BCKDHB: variants seen among roughly 807,000 people sequenced by gnomAD.
BCKDHB encodes branched chain keto acid dehydrogenase E1 subunit beta.
BCKDHB carries 41 observed loss-of-function variants against 48.5 expected under a neutral mutation model. The ratio of observed to expected loss-of-function variants is 0.85; its 90% CI spans 0.66 to 1.10. The LOEUF is 1.10. Among genes scored for constraint, BCKDHB ranks in the 50% least tolerant of loss-of-function variants. BCKDHB has a pLI of 0.00. For synonymous variants in BCKDHB, 201 were observed against 174.8 expected, an observed-to-expected ratio of 1.15 and a Z score of -1.18; for missense variants, 496 against 494.2, an observed-to-expected ratio of 1.00 and a Z score of -0.03.
chr6:80,137,328 A>G (rs766194244), intron 3 of BCKDHB, among the ~76,000 whole-genome samples: 4 of 152,286 alleles, frequency 2.6e-5, no homozygotes, highest in East Asian at 1.9e-4. Context: ...CTTTAGTTCT[A>G]TATGACGTGG....
chr6:80,386,807 T>C, the BCKDHB span, among the ~76,000 whole-genome samples: 2 of 152,066 alleles, frequency 1.3e-5, no homozygotes, highest in Non-Finnish European at 2.9e-5. Context: ...AACTTCTAGG[T>C]TGAATGGACA....
At chr6:80,306,753 T>A (rs1767898385) in intron 9 of BCKDHB, among the ~76,000 whole-genome samples, 1 of 152,060 alleles carries the variant, frequency 6.6e-6, no homozygotes, top group African/African-American at 2.4e-5. Flanking sequence ...TTTCATGGAG[T>A]CTTACAGCTG....
chr6:80,278,338 C>A (rs965259903), intron 9 of BCKDHB, among the ~76,000 whole-genome samples: 2 of 152,188 alleles, frequency 1.3e-5, no homozygotes, highest in African/African-American at 4.8e-5. Context: ...ACTGTAGTTT[C>A]TTCCTGAAGC....
chr6:80,409,107 T>A, the BCKDHB span, among the ~76,000 whole-genome samples: 1 of 152,194 alleles, frequency 6.6e-6, no homozygotes, highest in African/African-American at 2.4e-5. Context: ...AACATCTTTA[T>A]TTCTGCTTTC....
intron 9 of BCKDHB, among the ~76,000 whole-genome samples, chr6:80,321,629 C>G (rs1768727495): frequency 6.6e-6 from 1 of 152,090 alleles, no homozygotes; most frequent in Admixed American, 6.5e-5. Context: ...ACTGAAACTT[C>G]CAGAGACTTG....
At chr6:80,303,336 G>T (rs796824935) in intron 9 of BCKDHB, among the ~76,000 whole-genome samples, 1 of 152,014 alleles carries the variant, frequency 6.6e-6, no homozygotes, top group Non-Finnish European at 1.5e-5. Context: ...TTTATTTAAC[G>T]AGTTAAGTTC....
the BCKDHB span, among the ~76,000 whole-genome samples, chr6:80,462,177 T>A: frequency 6.6e-6 from 1 of 152,234 alleles, no homozygotes; most frequent in Non-Finnish European, 1.5e-5. Flanking sequence ...GAGTTCTTTC[T>A]TGTTACTTCT....
At chr6:80,206,144 C>T (rs1774646953) in intron 8 of BCKDHB, among the ~76,000 whole-genome samples, 1 of 151,916 alleles carries the variant, frequency 6.6e-6, no homozygotes, top group African/African-American at 2.4e-5. Context: ...TGACAAAGAC[C>T]CATCATACTC....
At chr6:80,466,258 T>C in the BCKDHB span, among the ~76,000 whole-genome samples, 10 of 152,306 alleles carry the variant, frequency 6.6e-5, no homozygotes, top group Admixed American at 5.9e-4. Context: ...TACTTACACA[T>C]ATATTTATGT....
chr6:80,231,575 T>TCATAGAAG (rs1268442057), intron 8 of BCKDHB, among the ~76,000 whole-genome samples: 1 of 152,182 alleles, frequency 6.6e-6, no homozygotes, highest in African/African-American at 2.4e-5. Context: ...ATGCTCAGTA[T>TCATAGAAG]CATAGAAGCT....
intron 1 of BCKDHB, among the ~76,000 whole-genome samples, chr6:80,115,931 G>A (rs951286201): frequency 2.0e-5 from 3 of 152,150 alleles, no homozygotes; most frequent in African/African-American, 4.8e-5. Flanking sequence ...AGGATGTGCT[G>A]TAACACACAG....
chr6:80,138,204 C>T (rs149156859), intron 3 of BCKDHB, among the ~76,000 whole-genome samples: 31 of 152,130 alleles, frequency 2.0e-4, no homozygotes, highest in African/African-American at 7.5e-4. Flanking sequence ...TTCCTAAAAC[C>T]CAGTTCTAGG....
chr6:80,318,682 C>G (rs1768561605), intron 9 of BCKDHB, among the ~76,000 whole-genome samples: 1 of 133,514 alleles, frequency 7.5e-6, no homozygotes, highest in Middle Eastern at 3.8e-3. Context: ...GAGACTCTCT[C>G]TCTTAAAAAA....
chr6:80,304,103 C>T (rs182831339), intron 9 of BCKDHB, among the ~76,000 whole-genome samples: 41 of 152,100 alleles, frequency 2.7e-4, no homozygotes, highest in Admixed American at 1.2e-3. Context: ...TAGTTACATC[C>T]TGATAAAATC....
intron 3 of BCKDHB, among the ~76,000 whole-genome samples, chr6:80,135,059 C>T (rs1770817473): frequency 6.6e-6 from 1 of 152,060 alleles, no homozygotes; most frequent in Non-Finnish European, 1.5e-5. Context: ...GCTGCTTTTC[C>T]AGCATAAGTT....
chr6:80,291,602 A>C (rs1388393779), intron 9 of BCKDHB, among the ~76,000 whole-genome samples: 1 of 152,204 alleles, frequency 6.6e-6, no homozygotes, highest in East Asian at 1.9e-4. Flanking sequence ...AGCTGATTCC[A>C]CTATGTGTCC....
At chr6:80,419,246 A>G in the BCKDHB span, among the ~76,000 whole-genome samples, 1 of 152,148 alleles carries the variant, frequency 6.6e-6, no homozygotes, top group African/African-American at 2.4e-5. Flanking sequence ...CAATATGAAG[A>G]AAGAATGTGT....
chr6:80,233,690 A>G (rs975793775), intron 8 of BCKDHB, among the ~76,000 whole-genome samples: 7 of 152,192 alleles, frequency 4.6e-5, no homozygotes, highest in African/African-American at 7.2e-5. Context: ...CAAATGTTCA[A>G]TGAAATGGAG....
At chr6:80,232,738 T>C (rs1775981956) in intron 8 of BCKDHB, among the ~76,000 whole-genome samples, 2 of 142,274 alleles carry the variant, frequency 1.4e-5, no homozygotes, top group African/African-American at 2.6e-5. Context: ...GTATGTTCTA[T>C]ATAGAGATAT....
Sources: allele counts gnomAD v4.1 joint callset (sites outside exome capture counted in the v4.1 genomes callset), GRCh38; gene constraint gnomAD v4.1.1; transcripts MANE v1.5; gene names NCBI Gene and HGNC (gene_info 2026-07-23, HGNC 2026-07-21).